The following ANKRD44 variants were observed in gnomAD, a reference collection of about 807,000 sequenced individuals.
ANKRD44 encodes the protein ankyrin repeat domain 44.
ANKRD44 carries 35 observed loss-of-function variants against 116.0 expected under a neutral mutation model. That is an observed-to-expected ratio of 0.30 (90% CI 0.23 to 0.40). The LOEUF (loss-of-function observed/expected upper bound fraction) is 0.40. Ranked by LOEUF, ANKRD44 falls within the 10% of genes least tolerant of loss-of-function variation. ANKRD44 has a pLI of 1.00. For missense variants in ANKRD44, 1,014 were observed against 1,242.6 expected, an observed-to-expected ratio of 0.82 and a Z score of 2.77; for synonymous variants, 435 against 461.8, an observed-to-expected ratio of 0.94 and a Z score of 0.74.
chr2:196,986,931 T>A lies in ANKRD44; in HGVS notation c.*2660A>T, dbSNP rs1200000583. ...TATAGACAAAATCCCACTGAAATCA[T>A]CAAACAATATTTTATGCTGTTACAA... On this transcript the variant is annotated 3_prime_UTR_variant, in exon 28 of 28. Coordinates refer to ENST00000282272, the MANE Select transcript of ANKRD44 (RefSeq NM_001195144.2). 2 of 985,282 alleles carry A rather than the reference T, an allele frequency of 2.0e-6. No homozygotes were observed. Among genetic ancestry groups the A allele is most frequent in the African/African-American group, 3.5e-5 (2 of 57,244 alleles). The allele number at this position is 985,282 out of a possible 1,614,324, so 61.0% of individuals were successfully genotyped here.
intron 1 of ANKRD44, among the ~76,000 whole-genome samples, chr2:197,196,162 T>C (rs1334398216): frequency 6.6e-6 from 1 of 152,360 alleles, no homozygotes; most frequent in African/African-American, 2.4e-5. Context: ...TGTATAACTG[T>C]ATCTTACTGC....
intron 16 of ANKRD44, among the ~76,000 whole-genome samples, chr2:197,072,093 A>G (rs574473495): frequency 1.3e-5 from 2 of 148,554 alleles, no homozygotes; most frequent in East Asian, 2.0e-4. Flanking sequence ...GAAGGAAGGA[A>G]GGAAGGAAAA....
At chr2:196,975,303 T>A (rs2075748731) in intron 21 of ANKRD44, among the ~76,000 whole-genome samples, 1 of 151,808 alleles carries the variant, frequency 6.6e-6, no homozygotes, top group Non-Finnish European at 1.5e-5. Context: ...AGAAATTGAG[T>A]TAGCAATAAA....
intron 15 of ANKRD44, 89 bp from the exon 16 acceptor site, chr2:197,078,903 C>T (rs1351577693): frequency 7.5e-7 from 1 of 1,330,626 alleles, no homozygotes; most frequent in African/African-American, 1.5e-5. Flanking sequence ...ACGAACGTTC[C>T]ATGAAGTACT....
At chr2:196,990,687 G>A (rs2075899276) in intron 27 of ANKRD44, 4 of 1,232,016 alleles carry the variant, frequency 3.2e-6, no homozygotes, top group African/African-American at 1.6e-5. Flanking sequence ...AAGTCAAAAC[G>A]TTTCCGAATC....
At chr2:197,259,577 C>G (rs542182644) in intron 1 of ANKRD44, among the ~76,000 whole-genome samples, 2 of 152,262 alleles carry the variant, frequency 1.3e-5, no homozygotes, top group Admixed American at 1.3e-4. Flanking sequence ...GAAAACTTCA[C>G]TTTCAAATCT....
chr2:197,099,249 C>T (rs1348238668), intron 10 of ANKRD44, among the ~76,000 whole-genome samples: 1 of 152,162 alleles, frequency 6.6e-6, no homozygotes, highest in Non-Finnish European at 1.5e-5. Context: ...TTGCATGGTT[C>T]TTTGACTTAA....
chr2:197,041,137 TCCC>T (rs2076903366), intron 16 of ANKRD44, among the ~76,000 whole-genome samples: 1 of 152,166 alleles, frequency 6.6e-6, no homozygotes, highest in Non-Finnish European at 1.5e-5. Flanking sequence ...AAGGTGCCTT[TCCC>T]TTCTTCCAAA....
intron 1 of ANKRD44, among the ~76,000 whole-genome samples, chr2:197,189,137 A>G (rs2035881912): frequency 1.3e-5 from 2 of 152,196 alleles, no homozygotes; most frequent in South Asian, 4.1e-4. Context: ...TTGGGGGACC[A>G]ATATAAGTAC....
chr2:197,109,956 C>A (rs915996407), intron 9 of ANKRD44, among the ~76,000 whole-genome samples: 2 of 149,774 alleles, frequency 1.3e-5, no homozygotes, highest in African/African-American at 2.5e-5. Context: ...GTGACTTTCC[C>A]AGGTCTTCTC....
chr2:197,050,558 G>T (rs1486442500), intron 16 of ANKRD44, among the ~76,000 whole-genome samples: 1 of 151,850 alleles, frequency 6.6e-6, no homozygotes, highest in Non-Finnish European at 1.5e-5. Flanking sequence ...GAGTAGCCAG[G>T]ATTACAGGTG....
chr2:197,056,109 T>C (rs893405072), intron 16 of ANKRD44, among the ~76,000 whole-genome samples: 13 of 152,158 alleles, frequency 8.5e-5, no homozygotes, highest in African/African-American at 1.2e-4. Context: ...CTGGCCTCAA[T>C]TGATACTCCT....
Position 197,081,739 on chromosome 2 carries a change from A to T in ANKRD44, c.1458-14T>A. The T allele has an allele frequency of 6.3e-7, 1 of 1,598,430 alleles. No homozygotes were observed. Among genetic ancestry groups the T allele is most frequent in the Non-Finnish European group, 8.5e-7 (1 of 1,172,376 alleles). The stretch of plus-strand genomic sequence containing the variant: ...AAGATAGTCTTACTTCTCAGCATAA[A>T]GGATAGAAAAAAAAATTGCAATTAA... On this transcript the variant is annotated splice_polypyrimidine_tract_variant and intron_variant, in intron 14 of 27. Coordinates refer to ENST00000282272, the MANE Select transcript of ANKRD44 (RefSeq NM_001195144.2).
At chr2:197,293,132 T>A (rs897698930) in intron 1 of ANKRD44, among the ~76,000 whole-genome samples, 1 of 152,162 alleles carries the variant, frequency 6.6e-6, no homozygotes, top group Non-Finnish European at 1.5e-5. Context: ...TTCCTGTCCT[T>A]CCTCTGTTCA....
chr2:197,206,311 A>G (rs1214755499), intron 1 of ANKRD44, among the ~76,000 whole-genome samples: 1 of 152,204 alleles, frequency 6.6e-6, no homozygotes, highest in Non-Finnish European at 1.5e-5. Flanking sequence ...GGGTGAAAAC[A>G]AACATAGTCT....
At chr2:196,993,556 C>A (rs2075958321) in intron 27 of ANKRD44, 27 bp downstream of exon 27, 1 of 1,522,820 alleles carries the variant, frequency 6.6e-7, no homozygotes, top group South Asian at 1.2e-5. Context: ...AAGGTACCTG[C>A]AGTCGCTGTT....
chr2:197,060,959 G>C (rs963648173), intron 16 of ANKRD44, among the ~76,000 whole-genome samples: 1 of 152,156 alleles, frequency 6.6e-6, no homozygotes, highest in African/African-American at 2.4e-5. Flanking sequence ...TCTACAGCTT[G>C]GCTATTGTGA....
chr2:197,281,051 T>C (rs2105828283), intron 1 of ANKRD44, among the ~76,000 whole-genome samples: 1 of 152,322 alleles, frequency 6.6e-6, no homozygotes, highest in East Asian at 1.9e-4. Context: ...TCTTGCTCTG[T>C]TAACCTGCCA....
chr2:197,186,623 T>C (rs2080675193), intron 2 of ANKRD44, among the ~76,000 whole-genome samples: 1 of 85,076 alleles, frequency 1.2e-5, no homozygotes, highest in Non-Finnish European at 2.0e-5. Flanking sequence ...TTTTTTTTTT[T>C]TTTTTTTTTT....
Sources: allele counts gnomAD v4.1 joint callset (sites outside exome capture counted in the v4.1 genomes callset), GRCh38; gene constraint gnomAD v4.1.1; transcripts MANE v1.5; gene names NCBI Gene and HGNC (gene_info 2026-07-23, HGNC 2026-07-21).